Variants in NTF3 observed in about 807,000 individuals in gnomAD.
NTF3 encodes neurotrophin 3.
Under a neutral mutation model 26.3 loss-of-function variants are expected in NTF3, and 8 were observed. The ratio of observed to expected loss-of-function variants is 0.30; its 90% CI spans 0.18 to 0.55. The LOEUF is 0.55. Among genes scored for constraint, NTF3 ranks in the 20% least tolerant of loss-of-function variants. The pLI, the probability that NTF3 is intolerant of heterozygous loss-of-function variation, is 0.93. For missense variants in NTF3, 276 were observed against 352.9 expected (o/e 0.78, Z 1.75); for synonymous variants, 154 against 145.5 (o/e 1.06, Z -0.42).
At chr12:5,484,034 A>C (rs1940838647) in intron 1 of NTF3, among the ~76,000 whole-genome samples, 1 of 152,182 alleles carries the variant, frequency 6.6e-6, no homozygotes, top group Non-Finnish European at 1.5e-5. Context: ...GGTCAGGTTC[A>C]TCTGGGACCC....
At position 5,468,325 on chromosome 12, in the gene NTF3, T is replaced by A. The variant is rs189217293; in HGVS notation, c.19-25869T>A. Among the ~76,000 whole-genome samples the A allele has an allele frequency of 1.0e-3, 159 of 152,360 alleles. 1 individual carries two copies. In the South Asian group the frequency reaches 0.03, roughly 29 times the overall value. ...ATCTTCCTCCAAATCAGTATCTTAA[T>A]GCATATCACCTAAACTGGATTCATT... On this transcript the variant is annotated intron_variant, in intron 1 of 1. Transcript: ENST00000423158.
chr12:5,449,133 G>T (rs186827046), intron 1 of NTF3, among the ~76,000 whole-genome samples: 11 of 152,298 alleles, frequency 7.2e-5, no homozygotes, highest in Admixed American at 5.9e-4. Context: ...ATGGATGATT[G>T]AGGAGAGCCC....
intron 1 of NTF3, among the ~76,000 whole-genome samples, chr12:5,466,871 G>A (rs1401552559): frequency 1.3e-5 from 2 of 152,106 alleles, no homozygotes; most frequent in Non-Finnish European, 2.9e-5. Context: ...GTTTATGGGA[G>A]GGGTGAGGGA....
Position 5,432,277 on chromosome 12 carries a change from C to T in NTF3, c.-48C>T, listed in dbSNP as rs768955493. ...GACTTTGAATGACCGAGCTCGCGTC[C>T]ACCTTTCTCTTCATGTCGACGTCCC... is the stretch of plus-strand genomic sequence containing the variant. On this transcript the variant is annotated 5_prime_UTR_variant, in exon 1 of 2. Transcript: ENST00000423158. 4.3e-6 allele frequency: 7 copies of T among 1,611,676 alleles called. No individual in the cohort carries two copies. The South Asian group carries it at 5.5e-5, about 13-fold the overall frequency.
intron 1 of NTF3, among the ~76,000 whole-genome samples, chr12:5,463,878 A>T (rs1320842476): frequency 6.6e-6 from 1 of 152,226 alleles, no homozygotes; most frequent in East Asian, 1.9e-4. Flanking sequence ...CTATGAAATT[A>T]GGAGGTTGAA....
chr12:5,453,895 C>T (rs11837520), intron 1 of NTF3, among the ~76,000 whole-genome samples: 3,344 of 152,224 alleles, frequency 0.022, 135 homozygotes, highest in African/African-American at 0.076. Flanking sequence ...CTCTTTTGAT[C>T]CAAGGTATAC....
rs116254068 is a variant in NTF3, at chr12:5,451,459, A to G, written c.18+19117A>G. Among the ~76,000 whole-genome samples, 1,082 of 152,332 alleles carry G rather than the reference A, an allele frequency of 7.1e-3. 8 individuals carry two copies. Among genetic ancestry groups the G allele is most frequent in the African/African-American group, 0.025 (1,024 of 41,570 alleles). ...AAAGATAACAGCTAAGCCTTTGGGGATCCTTCCAGAAGTAGTGATGACGTA... is the reference window on the plus strand; with the variant it reads ...AAAGATAACAGCTAAGCCTTTGGGGGTCCTTCCAGAAGTAGTGATGACGTA... On this transcript the variant is annotated intron_variant, in intron 1 of 1. Coordinates refer to ENST00000423158, the MANE Select transcript of NTF3 (RefSeq NM_001102654.2).
chr12:5,461,244 G>A (rs1215261713), intron 1 of NTF3, among the ~76,000 whole-genome samples: 1 of 152,166 alleles, frequency 6.6e-6, no homozygotes, highest in Non-Finnish European at 1.5e-5. Context: ...CTGTCAGGAG[G>A]TGCAGCATAG....
At chr12:5,470,228 G>C (rs1307460178) in intron 1 of NTF3, among the ~76,000 whole-genome samples, 2 of 152,118 alleles carry the variant, frequency 1.3e-5, no homozygotes, top group Admixed American at 6.5e-5. Context: ...TCGGCCTCCT[G>C]AGCTCATTTT....
At chr12:5,478,132 T>C (rs1422281436) in intron 1 of NTF3, among the ~76,000 whole-genome samples, 1 of 152,248 alleles carries the variant, frequency 6.6e-6, no homozygotes, top group African/African-American at 2.4e-5. Flanking sequence ...TTTACTGCTT[T>C]CCATAGGAAT....
At chr12:5,481,608 GACAC>G (rs1940800477) in intron 1 of NTF3, among the ~76,000 whole-genome samples, 1 of 86,812 alleles carries the variant, frequency 1.2e-5, no homozygotes, top group Middle Eastern at 9.1e-3. Context: ...CACACATACA[GACAC>G]ACAGACATAC....
chr12:5,490,280 C>T (rs1428171573), intron 1 of NTF3, among the ~76,000 whole-genome samples: 3 of 152,174 alleles, frequency 2.0e-5, no homozygotes, highest in African/African-American at 7.2e-5. Flanking sequence ...TCGATCGTAG[C>T]AGGCGCTCAT....
At chr12:5,458,692 T>G (rs768686314) in intron 1 of NTF3, among the ~76,000 whole-genome samples, 3 of 152,194 alleles carry the variant, frequency 2.0e-5, no homozygotes, top group Non-Finnish European at 4.4e-5. Flanking sequence ...TTGGCAAATG[T>G]TTATCCCATG....
At chr12:5,440,771 G>A (rs1366925706) in intron 1 of NTF3, among the ~76,000 whole-genome samples, 1 of 152,208 alleles carries the variant, frequency 6.6e-6, no homozygotes, top group Non-Finnish European at 1.5e-5. Context: ...GGGTCACAAG[G>A]ACCCTACCAG....
chr12:5,486,287 C>T (rs73259375), intron 1 of NTF3, among the ~76,000 whole-genome samples: 2,173 of 152,274 alleles, frequency 0.014, 50 homozygotes, highest in African/African-American at 0.049. Context: ...TGGCCATTGC[C>T]AAGCCAGCTG....
At chr12:5,478,566 T>C (rs1237523740) in intron 1 of NTF3, among the ~76,000 whole-genome samples, 3 of 152,208 alleles carry the variant, frequency 2.0e-5, no homozygotes, top group East Asian at 1.9e-4. Flanking sequence ...GGCCTCCCCA[T>C]GGGGCAGCAT....
intron 1 of NTF3, among the ~76,000 whole-genome samples, chr12:5,481,944 A>C (rs1277248972): frequency 3.3e-5 from 5 of 151,916 alleles, no homozygotes; most frequent in African/African-American, 4.8e-5. Context: ...ACACACGTAG[A>C]TATGCACACA....
chr12:5,472,534 C>A (rs1016588324), intron 1 of NTF3, among the ~76,000 whole-genome samples: 1 of 152,296 alleles, frequency 6.6e-6, no homozygotes, highest in Admixed American at 6.5e-5. Context: ...TCACTTTCTC[C>A]CTCCAGTGGT....
At chr12:5,477,497 G>T (rs370846381) in intron 1 of NTF3, among the ~76,000 whole-genome samples, 1 of 152,118 alleles carries the variant, frequency 6.6e-6, no homozygotes, top group African/African-American at 2.4e-5. Context: ...TTGGATGTTC[G>T]CCCAGATCTC....
Sources: gnomAD v4.1 joint callset for allele counts (sites outside exome capture counted in the v4.1 genomes callset) on GRCh38, gnomAD v4.1.1 for gene constraint, MANE v1.5 for transcripts, NCBI Gene and HGNC (gene_info 2026-07-23, HGNC 2026-07-21) for gene names.